Variants in DPYSL2 observed in about 807,000 individuals in gnomAD.
The protein encoded by DPYSL2 is dihydropyrimidinase like 2.
Under a neutral mutation model 69.9 loss-of-function variants are expected in DPYSL2, and 13 were observed. The observed-to-expected ratio is 0.19, with a 90% confidence interval of 0.12 to 0.30. The LOEUF is 0.30. Among genes scored for constraint, DPYSL2 ranks in the 10% least tolerant of loss-of-function variants. The probability of loss-of-function intolerance (pLI) is 1.00; values close to 1 mark genes in which losing one functional copy is unlikely to be tolerated. For missense variants in DPYSL2, 587 were observed against 918.9 expected, an observed-to-expected ratio of 0.64 and a Z score of 4.67; for synonymous variants, 326 against 359.1, an observed-to-expected ratio of 0.91 and a Z score of 1.04.
chr8:26,652,549 A>G lies in DPYSL2; in HGVS notation c.1776+113A>G. 8.6e-7 allele frequency: 1 copy of G among 1,159,134 alleles called. No homozygotes were observed. Among genetic ancestry groups the G allele is most frequent in the Non-Finnish European group, 1.2e-6 (1 of 833,702 alleles). The allele number at this position is 1,159,134 out of a possible 1,614,324, so 71.8% of individuals were successfully genotyped here. ...TATTAAGATGAATTTAGTGGATTCC[A>G]GGGATAAGAGGGAGCCTGAATTTTT... On this transcript the variant is annotated intron_variant, in intron 12 of 13. Transcript: ENST00000521913. The surrounding 1 kb of genome is among the most constrained non-coding windows in gnomAD (Gnocchi z 6.3).
At chr8:26,634,262 GTTTTC>G (rs1802847035) in intron 7 of DPYSL2, among the ~76,000 whole-genome samples, 1 of 151,996 alleles carries the variant, frequency 6.6e-6, no homozygotes, top group African/African-American at 2.4e-5. Flanking sequence ...TCAGAAGGGA[GTTTTC>G]TTTTCTTTTT....
chr8:26,573,815 C>A (rs7835564), intron 1 of DPYSL2, among the ~76,000 whole-genome samples: 1 of 125,204 alleles, frequency 8.0e-6, no homozygotes, highest in Non-Finnish European at 1.6e-5. Flanking sequence ...CCAGCCTGGG[C>A]GACAGAGTGA....
At chr8:26,634,378 C>A (rs996663252) in intron 7 of DPYSL2, among the ~76,000 whole-genome samples, 8 of 148,792 alleles carry the variant, frequency 5.4e-5, no homozygotes, top group African/African-American at 2.0e-4. Context: ...GATTCTCCTG[C>A]CTTATACTCC....
At chr8:26,632,300 C>T (rs1167114030) in intron 7 of DPYSL2, among the ~76,000 whole-genome samples, 2 of 152,286 alleles carry the variant, frequency 1.3e-5, no homozygotes, top group East Asian at 1.9e-4. Context: ...GTGATCCTTT[C>T]TGAAGGGACT....
chr8:26,608,804 C>T (rs1256548792), intron 3 of DPYSL2, among the ~76,000 whole-genome samples: 1 of 152,184 alleles, frequency 6.6e-6, no homozygotes, highest in African/African-American at 2.4e-5. Flanking sequence ...TGAATTCAGT[C>T]CAGGTTCCTA....
At chr8:26,651,246 A>C (rs1195360434) in intron 11 of DPYSL2, among the ~76,000 whole-genome samples, 1 of 152,154 alleles carries the variant, frequency 6.6e-6, no homozygotes, top group Non-Finnish European at 1.5e-5. Flanking sequence ...GTGCATTTAC[A>C]TGCCTGATGT....
intron 13 of DPYSL2, 49 bp from the exon 14 acceptor site, chr8:26,655,566 G>A (rs375297273): frequency 7.4e-6 from 11 of 1,478,950 alleles, no homozygotes; most frequent in South Asian, 1.3e-5. Flanking sequence ...AGGATCTTGT[G>A]TGACTGTCCT....
At chr8:26,578,567 C>T in intron 1 of DPYSL2, 1 of 1,355,728 alleles carries the variant, frequency 7.4e-7, no homozygotes, top group Non-Finnish European at 9.5e-7. Context: ...CTTTTATTGT[C>T]AGTGAGAGAT....
chr8:26,553,031 A>G (rs1041563082), intron 1 of DPYSL2, among the ~76,000 whole-genome samples: 2 of 152,192 alleles, frequency 1.3e-5, no homozygotes, highest in Non-Finnish European at 2.9e-5. Context: ...GAACAACTCT[A>G]TGTCCACAAA....
chr8:26,525,697 T>G (rs1445666972), intron 1 of DPYSL2, among the ~76,000 whole-genome samples: 2 of 152,148 alleles, frequency 1.3e-5, no homozygotes, highest in African/African-American at 4.8e-5. Context: ...CCAGGATCAG[T>G]TTTTTAGCTC....
At chr8:26,649,410 T>C (rs776469092) in intron 11 of DPYSL2, among the ~76,000 whole-genome samples, 5 of 152,194 alleles carry the variant, frequency 3.3e-5, no homozygotes, top group Non-Finnish European at 7.3e-5. Context: ...CATTTGGAGT[T>C]CTTAACCTAG....
intron 4 of DPYSL2, among the ~76,000 whole-genome samples, chr8:26,625,984 T>C (rs1802603512): frequency 6.6e-6 from 1 of 152,210 alleles, no homozygotes; most frequent in African/African-American, 2.4e-5. Context: ...CATTAAACAC[T>C]AACTCTCCAC....
chr8:26,574,850 C>A (rs972910306), intron 1 of DPYSL2, among the ~76,000 whole-genome samples: 1 of 152,190 alleles, frequency 6.6e-6, no homozygotes, highest in East Asian at 1.9e-4. Flanking sequence ...CTCAACTGAT[C>A]TTTCTGCCTC....
rs2129851683 is a variant in DPYSL2, at chr8:26,610,814, A to T, written c.629-13329A>T. ...CTAAAGTATGTTTTTACTATTTAAC[A>T]CACGATTTTGTAGGCCCTACTGTTG... On this transcript the variant is annotated intron_variant, in intron 3 of 13. Transcript: ENST00000521913. This position sits in a 1 kb window ranked among gnomAD's most constrained non-coding sequence, Gnocchi z 4.5. Among the ~76,000 whole-genome samples, 1 of 152,280 alleles carries T rather than the reference A, an allele frequency of 6.6e-6. No individual in the cohort carries two copies. Among genetic ancestry groups the T allele is most frequent in the South Asian group, 2.1e-4 (1 of 4,822 alleles).
chr8:26,540,557 C>T (rs1171433148), intron 1 of DPYSL2, among the ~76,000 whole-genome samples: 1 of 152,094 alleles, frequency 6.6e-6, no homozygotes, highest in African/African-American at 2.4e-5. Flanking sequence ...TACAAGTGCT[C>T]CTTAACAATG....
At chr8:26,635,698 T>C (rs149375351) in intron 8 of DPYSL2, among the ~76,000 whole-genome samples, 1 of 151,896 alleles carries the variant, frequency 6.6e-6, no homozygotes, top group Admixed American at 6.6e-5. Context: ...CTTCCTTCCT[T>C]TCTCCCTTTT....
rs907864400 is a variant in DPYSL2, at chr8:26,587,206, C to T, written c.628+3223C>T. Among the ~76,000 whole-genome samples the T allele has an allele frequency of 1.3e-5, 2 of 152,174 alleles. No individual in the cohort carries two copies. Among genetic ancestry groups the T allele is most frequent in the African/African-American group, 4.8e-5 (2 of 41,432 alleles). The stretch of plus-strand genomic sequence containing the variant: ...ATAGCTTAATGCCACTTCATTGGCA[C>T]CTAAGACCTGCTACTTTCTTTGACT... On this transcript the variant is annotated intron_variant, in intron 3 of 13. Coordinates refer to ENST00000521913, the MANE Select transcript of DPYSL2 (RefSeq NM_001197293.3). This position sits in a 1 kb window ranked among gnomAD's most constrained non-coding sequence, Gnocchi z 4.2.
intron 3 of DPYSL2, among the ~76,000 whole-genome samples, chr8:26,584,385 T>G (rs1801551486): frequency 6.6e-6 from 1 of 152,148 alleles, no homozygotes; most frequent in African/African-American, 2.4e-5. Context: ...TAAGAGTGCT[T>G]CTTTTTAGAA....
chr8:26,556,354 A>ATATATATAG (rs796496998), intron 1 of DPYSL2, among the ~76,000 whole-genome samples: 324 of 14,004 alleles, frequency 0.023, 42 homozygotes, highest in African/African-American at 0.038. Flanking sequence ...TATATATAGT[A>ATATATATAG]TATATATATA....
Sources: gnomAD v4.1 joint callset for allele counts (sites outside exome capture counted in the v4.1 genomes callset) on GRCh38, gnomAD v4.1.1 for gene constraint, Gnocchi (gnomAD v3.1) non-coding constraint, MANE v1.5 for transcripts, NCBI Gene and HGNC (gene_info 2026-07-23, HGNC 2026-07-21) for gene names.